Variants in PVT1 observed in about 807,000 individuals in gnomAD.
PVT1 encodes the protein CXCR4/PVT1 fusion.
chr8:127,873,041 C>A (rs532040457), intron 2 of PVT1, among the ~76,000 whole-genome samples: 1 of 152,256 alleles, frequency 6.6e-6, no homozygotes, highest in South Asian at 2.1e-4. Context: ...CCTGCCCTCT[C>A]ACTTGCTGGT....
intron 4 of PVT1, among the ~76,000 whole-genome samples, chr8:128,041,044 TG>T (rs1228540360): frequency 2.0e-5 from 3 of 151,522 alleles, no homozygotes; most frequent in Non-Finnish European, 4.4e-5. Context: ...GTTGAGTGCC[TG>T]TGTGTTTGTG....
intron 2 of PVT1, among the ~76,000 whole-genome samples, chr8:127,886,686 T>C (rs182699858): frequency 2.6e-5 from 4 of 152,294 alleles, no homozygotes; most frequent in Non-Finnish European, 5.9e-5. Flanking sequence ...ATCTTTTTAT[T>C]TACTAAGAAT....
intron 3 of PVT1, among the ~76,000 whole-genome samples, chr8:127,952,038 A>T (rs1029184041): frequency 1.3e-5 from 2 of 151,626 alleles, no homozygotes; most frequent in African/African-American, 4.9e-5. Context: ...CTGCTCTCGA[A>T]CTCCTGACCT....
intron 2 of PVT1, among the ~76,000 whole-genome samples, chr8:127,887,931 GTTTTTTTTTT>G (rs560976785): frequency 3.0e-5 from 2 of 66,580 alleles, no homozygotes; most frequent in South Asian, 8.0e-4. Context: ...ACTCTATCTT[GTTTTTTTTTT>G]TTTTTTTTTT....
intron 3 of PVT1, among the ~76,000 whole-genome samples, chr8:127,967,663 A>G (rs1363758766): frequency 2.0e-5 from 3 of 152,240 alleles, no homozygotes; most frequent in African/African-American, 7.2e-5. Flanking sequence ...CATCTCCTGA[A>G]TAAAGGACAG....
At position 127,846,980 on chromosome 8, in the gene PVT1, C is replaced by CTT. The variant is rs34437112; in HGVS notation, n.373-43588_373-43587dup. Among the ~76,000 whole-genome samples the CTT allele has an allele frequency of 9.1e-3, 569 of 62,304 alleles. 1 individual carries two copies. The highest frequency in any genetic ancestry group is 0.011 in the African/African-American group (156 of 14,086). 40.9% of individuals were successfully genotyped at this position (62,304 alleles called of 152,430 possible). Reference sequence around the variant, plus strand: ...ACAAGCGTGAGCCATTGCACATGGCCTTTTTTTTTTTTTTTTTTTTTTGTT... The same window carrying CTT: ...ACAAGCGTGAGCCATTGCACATGGCCTTTTTTTTTTTTTTTTTTTTTTTTGTT... On this transcript the variant is annotated intron_variant and non_coding_transcript_variant, in intron 2 of 10. Transcript: ENST00000651587.
At chr8:128,028,703 C>G (rs1211479172) in intron 4 of PVT1, among the ~76,000 whole-genome samples, 1 of 152,212 alleles carries the variant, frequency 6.6e-6, no homozygotes. Context: ...TAGCACATTG[C>G]AAGCTAAGTC....
chr8:127,843,621 A>G (rs1814997372), intron 2 of PVT1, among the ~76,000 whole-genome samples: 1 of 150,098 alleles, frequency 6.7e-6, no homozygotes, highest in African/African-American at 2.5e-5. Flanking sequence ...TTTTTTTTGT[A>G]TTTTTAGTGG....
At chr8:127,829,178 G>C (rs1586396985) in intron 2 of PVT1, among the ~76,000 whole-genome samples, 1 of 152,116 alleles carries the variant, frequency 6.6e-6, no homozygotes, top group African/African-American at 2.4e-5. Context: ...TAGGGAGGTC[G>C]AGGCAGGAGA....
At chr8:128,093,201 C>T (rs1226976217) in intron 5 of PVT1, among the ~76,000 whole-genome samples, 4 of 152,210 alleles carry the variant, frequency 2.6e-5, no homozygotes, top group Admixed American at 6.5e-5. Context: ...TCTCTCCCCA[C>T]TTCTGTTTTC....
At chr8:127,840,608 G>A (rs1380590487) in intron 2 of PVT1, among the ~76,000 whole-genome samples, 3 of 152,238 alleles carry the variant, frequency 2.0e-5, no homozygotes, top group African/African-American at 7.2e-5. Flanking sequence ...GAGGAGACCT[G>A]TGCTGGCAGC....
At chr8:128,096,379 G>A (rs1323646438) in intron 5 of PVT1, 2 of 152,262 alleles carry the variant, frequency 1.3e-5, no homozygotes, top group Admixed American at 1.3e-4. Context: ...TCTGGAATGA[G>A]TGAACATGTG....
chr8:127,832,080 A>G (rs1208693885), intron 2 of PVT1, among the ~76,000 whole-genome samples: 4 of 152,146 alleles, frequency 2.6e-5, no homozygotes, highest in Non-Finnish European at 5.9e-5. Flanking sequence ...ACAACTTAAA[A>G]ACGTCAAGTG....
chr8:128,087,759 T>C lies in PVT1; in HGVS notation n.1115-8759T>C, dbSNP rs990542662. 2.6e-4 allele frequency among the ~76,000 whole-genome samples: 33 copies of C among 126,542 alleles called. 1 individual carries two copies. The highest frequency in any genetic ancestry group is 7.9e-4 in the African/African-American group (29 of 36,734). The allele number at this position is 126,542 out of a possible 152,430, so 83.0% of individuals were successfully genotyped here. A position where few individuals can be genotyped will look rare whatever the true frequency, so the allele number is the denominator to read the frequency against. ...TCCTGATGTGCTACTTTTTTTTTTT[T>C]TTTTTTTTTTTGAGATGGAGTCTCG... On this transcript the variant is annotated intron_variant and non_coding_transcript_variant, in intron 5 of 10. Transcript: ENST00000651587.
chr8:127,849,656 C>T (rs78212463), intron 2 of PVT1, among the ~76,000 whole-genome samples: 27,886 of 107,336 alleles, frequency 0.26, 3,309 homozygotes, highest in African/African-American at 0.39. Context: ...GTGTGTGTGC[C>T]CCTGCGTGCA....
At chr8:128,005,055 G>A (rs568819337) in intron 4 of PVT1, among the ~76,000 whole-genome samples, 19 of 151,964 alleles carry the variant, frequency 1.3e-4, no homozygotes, top group African/African-American at 4.1e-4. Context: ...CAGGAGAATC[G>A]CTTGAACCTG....
chr8:127,875,787 G>A (rs1333305837), intron 2 of PVT1, among the ~76,000 whole-genome samples: 1 of 152,208 alleles, frequency 6.6e-6, no homozygotes, highest in East Asian at 1.9e-4. Flanking sequence ...GAGGAAGGGA[G>A]ACCCTGAGTG....
intron 3 of PVT1, among the ~76,000 whole-genome samples, chr8:127,894,601 T>C (rs549338225): frequency 1.3e-5 from 2 of 152,280 alleles, no homozygotes; most frequent in African/African-American, 4.8e-5. Context: ...AATAAAAAAA[T>C]TGTTTTGTGT....
At chr8:128,026,989 A>G (rs1813303138) in intron 4 of PVT1, among the ~76,000 whole-genome samples, 1 of 152,062 alleles carries the variant, frequency 6.6e-6, no homozygotes, top group Non-Finnish European at 1.5e-5. Context: ...GCCTTCCTCG[A>G]TCTTCTTGAG....
Sources: gnomAD v4.1 joint callset for allele counts (sites outside exome capture counted in the v4.1 genomes callset) on GRCh38, gnomAD v4.1.1 for gene constraint, MANE v1.5 for transcripts, NCBI Gene and HGNC (gene_info 2026-07-23, HGNC 2026-07-21) for gene names.